The following ERG variants were observed in gnomAD, a reference collection of about 807,000 sequenced individuals.
ERG encodes transcriptional regulator ERG.
In ERG, 9 loss-of-function variants were observed where a neutral mutation model predicts 55.3. That is an observed-to-expected ratio of 0.16 (90% confidence interval 0.10 to 0.28). The LOEUF is 0.28. Ranked by LOEUF, ERG falls within the 10% of genes least tolerant of loss-of-function variation. ERG has a pLI of 1.00. For missense variants in ERG, 434 were observed against 631.6 expected (o/e 0.69, Z 3.35); for synonymous variants, 223 against 237.3 (o/e 0.94, Z 0.55).
intron 2 of ERG, among the ~76,000 whole-genome samples, chr21:38,556,645 C>T (rs549348826): frequency 6.6e-6 from 1 of 152,090 alleles, no homozygotes; most frequent in Non-Finnish European, 1.5e-5. Context: ...GGAAGCCTGG[C>T]CTAGGAAACA....
At chr21:38,542,042 G>A (rs1019774198) in intron 2 of ERG, among the ~76,000 whole-genome samples, 12 of 151,914 alleles carry the variant, frequency 7.9e-5, no homozygotes, top group Admixed American at 1.3e-4. Context: ...ATGGAGTCTC[G>A]CTCTGTTGCC....
intron 1 of ERG, among the ~76,000 whole-genome samples, chr21:38,450,582 T>G (rs1286777544): frequency 6.6e-6 from 1 of 152,136 alleles, no homozygotes; most frequent in African/African-American, 2.4e-5. Flanking sequence ...CCACGCAGAA[T>G]TTGGTACATC....
At chr21:38,443,983 C>T (rs79037995) in intron 2 of ERG, among the ~76,000 whole-genome samples, 4,687 of 152,252 alleles carry the variant, frequency 0.031, 274 homozygotes, top group African/African-American at 0.11. Flanking sequence ...GATGCACAGA[C>T]GCAAACTGAC....
rs1055569730 is a variant in ERG at position 38,391,544 on chromosome 21, G to A, written c.871+115C>T. ...TGGGCCCTATCTTATGTATGGAGCT[G>A]TCGAAAAGAGGCAAACAATCATGTT... On this transcript the variant is annotated intron_variant, in intron 8 of 9. Transcript: ENST00000288319. 4.5e-6 allele frequency: 4 copies of A among 885,354 alleles called. No individual in the cohort carries two copies. In the South Asian group the frequency reaches 5.0e-5, roughly 11 times the overall value. The allele number at this position is 885,354 out of a possible 1,614,324, so 54.8% of individuals were successfully genotyped here. A position where few individuals can be genotyped will look rare whatever the true frequency, so the allele number is the denominator to read the frequency against.
chr21:38,466,841 G>A (rs1371696184), intron 1 of ERG, among the ~76,000 whole-genome samples: 2 of 152,098 alleles, frequency 1.3e-5, no homozygotes, highest in African/African-American at 4.8e-5. Flanking sequence ...CTGAAAAACA[G>A]GGTTTCTCTA....
At chr21:38,640,436 T>G (rs2060416949) in intron 1 of ERG, among the ~76,000 whole-genome samples, 1 of 152,176 alleles carries the variant, frequency 6.6e-6, no homozygotes, top group African/African-American at 2.4e-5. Flanking sequence ...TCCACCCAAA[T>G]CTCATCTTAA....
chr21:38,382,180 C>A lies in ERG; in HGVS notation c.*1223G>T, dbSNP rs1038619606. On this transcript the variant is annotated 3_prime_UTR_variant, in exon 10 of 10. Transcript: ENST00000288319. Reference sequence around the variant, plus strand: ...TCTTTTGTCGTGTGTCTTTGGCTGGCCGAGATCAACTCGTAGTGTATAAAT... The same window carrying A: ...TCTTTTGTCGTGTGTCTTTGGCTGGACGAGATCAACTCGTAGTGTATAAAT... The A allele has an allele frequency of 1.9e-6, 2 of 1,050,742 alleles. No homozygotes were observed. Among genetic ancestry groups the A allele is most frequent in the African/African-American group, 3.3e-5 (2 of 60,146 alleles). 65.1% of individuals were successfully genotyped at this position (1,050,742 alleles called of 1,614,324 possible).
intron 1 of ERG, among the ~76,000 whole-genome samples, chr21:38,601,768 A>G (rs1326252140): frequency 6.6e-6 from 1 of 152,236 alleles, no homozygotes; most frequent in Non-Finnish European, 1.5e-5. Context: ...AAATAGTAAC[A>G]GTTTTCTCCT....
intron 3 of ERG, among the ~76,000 whole-genome samples, chr21:38,405,754 G>GT (rs1763937849): frequency 6.6e-6 from 1 of 152,154 alleles, no homozygotes; most frequent in Admixed American, 6.5e-5. Flanking sequence ...CCTTGGCTGA[G>GT]TACCTAGATA....
Position 38,592,464 on chromosome 21 carries a change from A to G in ERG, c.-149-7519T>C, listed in dbSNP as rs1279261489. ...AGGGAGGCGGAGTTCCAAATCTGGAAAAGTGGCAGGCTTGAGTGCTCTTCA... is the reference window on the plus strand; with the variant it reads ...AGGGAGGCGGAGTTCCAAATCTGGAGAAGTGGCAGGCTTGAGTGCTCTTCA... On this transcript the variant is annotated intron_variant, in intron 1 of 10. Transcript: ENST00000398910. Among the ~76,000 whole-genome samples the G allele has an allele frequency of 2.6e-5, 4 of 152,172 alleles. No homozygotes were observed. In the East Asian group the frequency reaches 7.7e-4, roughly 29 times the overall value.
intron 1 of ERG, among the ~76,000 whole-genome samples, chr21:38,469,594 A>G (rs183533933): frequency 2.0e-5 from 3 of 152,204 alleles, no homozygotes; most frequent in Non-Finnish European, 4.4e-5. Flanking sequence ...GGCAATATTA[A>G]TTTGTAACAA....
intron 1 of ERG, among the ~76,000 whole-genome samples, chr21:38,469,894 A>G (rs1157028627): frequency 6.6e-6 from 1 of 152,228 alleles, no homozygotes; most frequent in Non-Finnish European, 1.5e-5. Context: ...AACACTTGCC[A>G]TATTTATTAC....
chr21:38,369,852 C>G, the ERG span, among the ~76,000 whole-genome samples: 1 of 152,130 alleles, frequency 6.6e-6, no homozygotes, highest in Admixed American at 6.6e-5. Flanking sequence ...ACCACTTATC[C>G]TAGCACCATT....
At chr21:38,457,919 G>A (rs140172441) in intron 1 of ERG, among the ~76,000 whole-genome samples, 5 of 152,316 alleles carry the variant, frequency 3.3e-5, no homozygotes, top group Admixed American at 3.3e-4. Context: ...AAGAGAATTT[G>A]CACTTGCTCT....
the ERG span, among the ~76,000 whole-genome samples, chr21:38,373,529 G>A: frequency 2.0e-5 from 3 of 152,166 alleles, no homozygotes; most frequent in Admixed American, 6.5e-5. Context: ...CGTTCTTGTA[G>A]TACCATTGAG....
At chr21:38,603,395 C>A (rs1182505400) in intron 1 of ERG, among the ~76,000 whole-genome samples, 2 of 151,980 alleles carry the variant, frequency 1.3e-5, no homozygotes, top group Non-Finnish European at 2.9e-5. Context: ...CCGAGGTGGG[C>A]AGATCACAAG....
At chr21:38,445,286 C>A in intron 2 of ERG, 118 bp downstream of exon 2, 1 of 761,456 alleles carries the variant, frequency 1.3e-6, no homozygotes, top group Non-Finnish European at 2.2e-6. Flanking sequence ...GGATTACAGG[C>A]ACAGTGGCCT....
upstream of ERG, among the ~76,000 whole-genome samples, chr21:38,585,532 C>CTTTTTTTTTTTTTTTTTTTTTTTTT (rs760791568): frequency 1.3e-3 from 79 of 59,282 alleles, 27 homozygotes; most frequent in Non-Finnish European, 2.0e-3. Flanking sequence ...TCTCTCTCTT[C>CTTTTTTTTTTTTTTTTTTTTTTTTT]TTTTTTTTTT....
At chr21:38,483,690 TACAA>T (rs112392648) in intron 1 of ERG, among the ~76,000 whole-genome samples, 5 of 151,362 alleles carry the variant, frequency 3.3e-5, no homozygotes, top group Admixed American at 1.3e-4. Context: ...CTACTAAAAA[TACAA>T]ACAAACAAAC....
Sources: allele counts gnomAD v4.1 joint callset (sites outside exome capture counted in the v4.1 genomes callset), GRCh38; gene constraint gnomAD v4.1.1; transcripts MANE v1.5; gene names NCBI Gene and HGNC (gene_info 2026-07-23, HGNC 2026-07-21).